Variants in GRM8 observed in about 807,000 individuals in gnomAD.
The protein encoded by GRM8 is metabotropic glutamate receptor 8.
Under a neutral mutation model 87.2 loss-of-function variants are expected in GRM8, and 47 were observed. The observed-to-expected ratio is 0.54, with a 90% confidence interval of 0.43 to 0.69. The LOEUF (loss-of-function observed/expected upper bound fraction) is 0.69, where lower values mean the gene tolerates loss of function less well. GRM8 is among the 30% of genes least tolerant of loss of function. The probability of loss-of-function intolerance (pLI) is 0.00; values close to 1 mark genes in which losing one functional copy is unlikely to be tolerated. For synonymous variants in GRM8, 396 were observed against 404.5 expected (o/e 0.98, Z 0.25); for missense variants, 1,019 against 1,139.2 (o/e 0.89, Z 1.52).
intron 9 of GRM8, among the ~76,000 whole-genome samples, chr7:126,482,872 A>G (rs1806864697): frequency 6.6e-6 from 1 of 151,876 alleles, no homozygotes; most frequent in African/African-American, 2.4e-5. Context: ...CCATGGGCAA[A>G]TATCTGTGAG....
At chr7:126,857,512 TA>T (rs1348014386) in intron 6 of GRM8, among the ~76,000 whole-genome samples, 1 of 152,046 alleles carries the variant, frequency 6.6e-6, no homozygotes, top group African/African-American at 2.4e-5. Context: ...TTCACCTTAA[TA>T]AAAAAAGAAA....
At chr7:126,723,819 C>A (rs1392420692) in intron 7 of GRM8, among the ~76,000 whole-genome samples, 1 of 152,050 alleles carries the variant, frequency 6.6e-6, no homozygotes, top group Non-Finnish European at 1.5e-5. Flanking sequence ...CCACTCTGGG[C>A]AGTGGGTGAA....
At chr7:126,816,990 T>C (rs575920659) in intron 6 of GRM8, among the ~76,000 whole-genome samples, 33 of 152,148 alleles carry the variant, frequency 2.2e-4, no homozygotes, top group African/African-American at 7.0e-4. Flanking sequence ...ATAAAGACTC[T>C]TATGAAATAT....
intron 6 of GRM8, among the ~76,000 whole-genome samples, chr7:126,776,893 T>A (rs906827674): frequency 3.9e-5 from 6 of 152,190 alleles, no homozygotes; most frequent in Non-Finnish European, 8.8e-5. Flanking sequence ...TTCCTCCTTA[T>A]ACTTTCTAAG....
intron 3 of GRM8, among the ~76,000 whole-genome samples, chr7:126,944,168 G>T (rs1807277862): frequency 6.6e-6 from 1 of 152,186 alleles, no homozygotes; most frequent in Non-Finnish European, 1.5e-5. Context: ...GCTGACATGG[G>T]CATTCCTCTG....
chr7:126,770,005 A>T lies in GRM8; in HGVS notation c.1217T>A (p.Ile406Asn). The change falls in exon 7 of 11, where the codon ATT (isoleucine) becomes AAT (asparagine). Residue 406 changes from isoleucine (I) to asparagine (N), a missense_variant. Transcript: ENST00000339582. ...GTAAGCCATGGAATATACAGCATCA[A>T]TTACAAATTGGACCTTTCCTTCCTG... is the stretch of plus-strand genomic sequence containing the variant. ...YEQEGKVQFV[I>N]DAVYSMAYAL... The T allele has an allele frequency of 6.2e-7, 1 of 1,612,682 alleles. No homozygotes were observed. The highest frequency in any genetic ancestry group is 8.5e-7 in the Non-Finnish European group (1 of 1,179,028).
At chr7:126,567,905 G>T (rs1794375462) in intron 8 of GRM8, among the ~76,000 whole-genome samples, 1 of 152,130 alleles carries the variant, frequency 6.6e-6, no homozygotes, top group Non-Finnish European at 1.5e-5. Flanking sequence ...GATGTAAGGG[G>T]TAAGCTTCAG....
intron 9 of GRM8, among the ~76,000 whole-genome samples, chr7:126,504,458 G>A (rs1810131099): frequency 6.6e-6 from 1 of 151,808 alleles, no homozygotes; most frequent in South Asian, 2.1e-4. Flanking sequence ...TATGTATGGT[G>A]CCAGTGTACT....
chr7:126,906,670 T>C (rs1802709043), intron 3 of GRM8, among the ~76,000 whole-genome samples: 1 of 152,216 alleles, frequency 6.6e-6, no homozygotes, highest in African/African-American at 2.4e-5. Flanking sequence ...CAGGGTGCTG[T>C]GATCGGACCT....
chr7:126,920,222 A>G (rs1270240746), intron 3 of GRM8, among the ~76,000 whole-genome samples: 1 of 152,160 alleles, frequency 6.6e-6, no homozygotes, highest in Non-Finnish European at 1.5e-5. Flanking sequence ...GAAAAACCCA[A>G]CCAGGCTAAC....
chr7:126,865,847 T>A (rs966989375), intron 6 of GRM8, among the ~76,000 whole-genome samples: 25 of 152,220 alleles, frequency 1.6e-4, no homozygotes, highest in Admixed American at 1.4e-3. Flanking sequence ...ATATTCGACT[T>A]GTTTCCACTT....
At chr7:126,917,514 T>C (rs1424668325) in intron 3 of GRM8, among the ~76,000 whole-genome samples, 3 of 152,134 alleles carry the variant, frequency 2.0e-5, no homozygotes, top group Non-Finnish European at 2.9e-5. Context: ...TTCACTAATG[T>C]TTTAATATCT....
At chr7:127,046,565 A>G (rs1318049698) in intron 3 of GRM8, among the ~76,000 whole-genome samples, 3 of 152,222 alleles carry the variant, frequency 2.0e-5, no homozygotes, top group Non-Finnish European at 4.4e-5. Flanking sequence ...ACTGCTGGTG[A>G]GAGATAAATA....
Position 127,217,658 on chromosome 7 carries a change from C to T in GRM8, c.510+25037G>A, listed in dbSNP as rs1456056221. ...TAAAACCAGGATGTGGCTCGTAGGT[C>T]TCTCATATCCCTTCCATCTCTGCAG... On this transcript the variant is annotated intron_variant, in intron 2 of 10. Transcript: ENST00000339582. 2.0e-5 allele frequency among the ~76,000 whole-genome samples: 3 copies of T among 152,304 alleles called. No individual in the cohort carries two copies. The East Asian group carries it at 5.8e-4, about 29-fold the overall frequency.
At chr7:126,587,986 G>A (rs1198754624) in intron 8 of GRM8, among the ~76,000 whole-genome samples, 1 of 151,780 alleles carries the variant, frequency 6.6e-6, no homozygotes, top group African/African-American at 2.4e-5. Flanking sequence ...TATAGCATAT[G>A]ACAACTGCGG....
chr7:126,726,979 A>G (rs1222386803), intron 7 of GRM8, among the ~76,000 whole-genome samples: 1 of 152,110 alleles, frequency 6.6e-6, no homozygotes, highest in Non-Finnish European at 1.5e-5. Flanking sequence ...CCTCTTTAAT[A>G]AAATAAAATT....
chr7:126,565,110 G>A (rs1794096374), intron 8 of GRM8, among the ~76,000 whole-genome samples: 1 of 152,050 alleles, frequency 6.6e-6, no homozygotes, highest in Admixed American at 6.6e-5. Context: ...CACACTCAGT[G>A]GTGAAAAGTT....
intron 6 of GRM8, among the ~76,000 whole-genome samples, chr7:126,896,636 C>T (rs1688125075): frequency 6.6e-6 from 1 of 152,086 alleles, no homozygotes; most frequent in South Asian, 2.1e-4. Context: ...AATAAACTGA[C>T]AGGTCTTCCA....
chr7:126,652,780 C>T (rs939944354), intron 7 of GRM8, among the ~76,000 whole-genome samples: 19 of 152,132 alleles, frequency 1.2e-4, no homozygotes, highest in African/African-American at 4.1e-4. Context: ...TAATAAACTC[C>T]CCTTTATATA....
Sources: allele counts gnomAD v4.1 joint callset (sites outside exome capture counted in the v4.1 genomes callset), GRCh38; gene constraint gnomAD v4.1.1; transcripts MANE v1.5; gene names NCBI Gene and HGNC (gene_info 2026-07-23, HGNC 2026-07-21).